The following CMSS1 variants were observed in gnomAD, a reference collection of about 807,000 sequenced individuals.
CMSS1 encodes cms1 ribosomal small subunit homolog.
In CMSS1, 33 loss-of-function variants were observed where a neutral mutation model predicts 43.5. The observed-to-expected ratio is 0.76, with a 90% CI of 0.57 to 1.01. CMSS1 has a LOEUF of 1.01. Ranked by LOEUF, CMSS1 falls within the 50% of genes least tolerant of loss-of-function variation. The pLI, the probability that CMSS1 is intolerant of heterozygous loss-of-function variation, is 0.00. For missense variants in CMSS1, 313 were observed against 326.4 expected (o/e 0.96, Z 0.32); for synonymous variants, 115 against 117.2 (o/e 0.98, Z 0.12).
chr3:99,939,598 A>G (rs983870883), intron 1 of CMSS1, among the ~76,000 whole-genome samples: 16 of 152,202 alleles, frequency 1.1e-4, no homozygotes, highest in African/African-American at 3.6e-4. Flanking sequence ...TGGTGAAGGT[A>G]TATACTCAGG....
intron 6 of CMSS1, among the ~76,000 whole-genome samples, chr3:100,171,307 A>G (rs918686751): frequency 6.6e-6 from 1 of 151,994 alleles, no homozygotes; most frequent in African/African-American, 2.4e-5. Flanking sequence ...TACAAAGTAG[A>G]TAAGAAAGGA....
chr3:99,994,960 G>A (rs1005218835), intron 1 of CMSS1, among the ~76,000 whole-genome samples: 1 of 152,048 alleles, frequency 6.6e-6, no homozygotes, highest in African/African-American at 2.4e-5. Flanking sequence ...TTTGGGTGGG[G>A]ACACAGCCAA....
intron 1 of CMSS1, among the ~76,000 whole-genome samples, chr3:99,982,626 G>A (rs1419053137): frequency 2.0e-5 from 3 of 152,168 alleles, no homozygotes; most frequent in East Asian, 1.9e-4. Flanking sequence ...TTACAGGCAT[G>A]AGCCACTATG....
intron 1 of CMSS1, among the ~76,000 whole-genome samples, chr3:100,063,509 T>C (rs996921188): frequency 6.6e-6 from 1 of 152,158 alleles, no homozygotes; most frequent in Non-Finnish European, 1.5e-5. Context: ...AAAGAAAAAC[T>C]TTATAAATCA....
intron 1 of CMSS1, among the ~76,000 whole-genome samples, chr3:100,081,314 A>G (rs750842229): frequency 1.3e-5 from 2 of 152,190 alleles, no homozygotes; most frequent in Non-Finnish European, 2.9e-5. Context: ...AAAACAAATT[A>G]TATACCATGG....
intron 1 of CMSS1, among the ~76,000 whole-genome samples, chr3:100,032,388 G>C (rs527515256): frequency 6.6e-6 from 1 of 152,318 alleles, no homozygotes; most frequent in African/African-American, 2.4e-5. Flanking sequence ...GAAATAAGAA[G>C]AGGACATGTG....
chr3:100,029,155 G>A (rs577967966), intron 1 of CMSS1, among the ~76,000 whole-genome samples: 34 of 151,786 alleles, frequency 2.2e-4, no homozygotes, highest in Admixed American at 3.3e-4. Flanking sequence ...GCAAGACCTC[G>A]TCTTTAAAAA....
At chr3:100,160,339 A>T (rs1421371531) in intron 2 of CMSS1, 91 bp from the exon 3 acceptor site, 1 of 679,548 alleles carries the variant, frequency 1.5e-6, no homozygotes, top group East Asian at 2.8e-5. Context: ...TGAAGAATAC[A>T]TGCATGGCAG....
chr3:99,982,242 T>C (rs1260270343), intron 1 of CMSS1, among the ~76,000 whole-genome samples: 1 of 152,214 alleles, frequency 6.6e-6, no homozygotes, highest in Non-Finnish European at 1.5e-5. Context: ...ACATCTTTTT[T>C]TATGCCTGTC....
chr3:99,932,956 T>C (rs375779439), intron 1 of CMSS1, among the ~76,000 whole-genome samples: 25 of 152,332 alleles, frequency 1.6e-4, no homozygotes, highest in East Asian at 1.5e-3. Flanking sequence ...GAGCACTTAC[T>C]ATGTGTGCTA....
At chr3:99,997,472 C>T (rs1474288951) in intron 1 of CMSS1, among the ~76,000 whole-genome samples, 1 of 152,142 alleles carries the variant, frequency 6.6e-6, no homozygotes, top group Non-Finnish European at 1.5e-5. Context: ...CTTCCAAGTC[C>T]ATTGTTCTTT....
At position 100,170,602 on chromosome 3, in the gene CMSS1, T is replaced by C. The variant is rs558979398; in HGVS notation, c.519-1237T>C. ...AGAAATAGTTTTCCCCTCTGTGACA[T>C]AGTGACAGCAGCATTCTCAGTATCA... On this transcript the variant is annotated intron_variant, in intron 6 of 9. Coordinates refer to ENST00000421999, the MANE Select transcript of CMSS1 (RefSeq NM_032359.4). Among the ~76,000 whole-genome samples the C allele has an allele frequency of 2.6e-5, 4 of 152,298 alleles. No individual in the cohort carries two copies. In the East Asian group the frequency reaches 5.8e-4, roughly 22 times the overall value.
chr3:99,956,233 TTTC>T (rs1209201581), intron 1 of CMSS1, among the ~76,000 whole-genome samples: 1 of 152,172 alleles, frequency 6.6e-6, no homozygotes, highest in Non-Finnish European at 1.5e-5. Flanking sequence ...CTTCCTCACC[TTTC>T]TTCTTTGTTG....
intron 1 of CMSS1, chr3:99,874,589 A>G (rs1290945016): frequency 3.3e-5 from 5 of 152,194 alleles, no homozygotes; most frequent in Non-Finnish European, 7.4e-5. Flanking sequence ...TTTTCTTTTA[A>G]AATATGAAAA....
intron 1 of CMSS1, among the ~76,000 whole-genome samples, chr3:99,934,977 G>T (rs1169171806): frequency 6.6e-6 from 1 of 152,170 alleles, no homozygotes; most frequent in Non-Finnish European, 1.5e-5. Flanking sequence ...CCCATCATAT[G>T]CAGACTTCTG....
rs553772055 is a variant in CMSS1, at chr3:100,072,437, C to G, written c.65-74536C>G. The stretch of plus-strand genomic sequence containing the variant: ...GTCTCTGGCTGACTTCCTGGATTCC[C>G]CCCTTTCTAGATGGCCCTTAATGGT... On this transcript the variant is annotated intron_variant, in intron 1 of 9. Coordinates refer to ENST00000421999, the MANE Select transcript of CMSS1 (RefSeq NM_032359.4). 6.5e-4 allele frequency among the ~76,000 whole-genome samples: 99 copies of G among 152,320 alleles called. No individual in the cohort carries two copies. The Middle Eastern group carries it at 0.017, about 26-fold the overall frequency.
chr3:99,881,293 C>T (rs572304459), intron 1 of CMSS1, among the ~76,000 whole-genome samples: 32 of 152,218 alleles, frequency 2.1e-4, no homozygotes, highest in African/African-American at 7.2e-4. Flanking sequence ...AGTCCATTTG[C>T]TTATTTATTC....
chr3:100,128,005 A>G (rs998905146), intron 1 of CMSS1, among the ~76,000 whole-genome samples: 8 of 152,200 alleles, frequency 5.3e-5, no homozygotes, highest in Non-Finnish European at 1.0e-4. Flanking sequence ...TTTCTGCACT[A>G]TCTGTGTGAG....
chr3:99,921,866 A>G (rs559194386), intron 1 of CMSS1, among the ~76,000 whole-genome samples: 71 of 152,212 alleles, frequency 4.7e-4, no homozygotes, highest in African/African-American at 1.6e-3. Context: ...CATGGCCTTT[A>G]TCCCCACTGA....
Sources: gnomAD v4.1 joint callset for allele counts (sites outside exome capture counted in the v4.1 genomes callset) on GRCh38, gnomAD v4.1.1 for gene constraint, MANE v1.5 for transcripts, NCBI Gene and HGNC (gene_info 2026-07-23, HGNC 2026-07-21) for gene names.